PTPRN2: variants seen among roughly 807,000 people sequenced by gnomAD.
The protein encoded by PTPRN2 is receptor-type tyrosine-protein phosphatase N2.
PTPRN2 carries 74 observed loss-of-function variants against 118.8 expected under a neutral mutation model. The ratio of observed to expected loss-of-function variants is 0.62; its 90% CI spans 0.52 to 0.76. The LOEUF (loss-of-function observed/expected upper bound fraction) is 0.76. PTPRN2 is among the 30% of genes least tolerant of loss of function. The pLI is 0.00. For missense variants in PTPRN2, 1,481 were observed against 1,394.4 expected (o/e 1.06, Z -0.99); for synonymous variants, 641 against 608.0 (o/e 1.05, Z -0.80).
chr7:158,571,384 A>G (rs1828020264), intron 1 of PTPRN2, among the ~76,000 whole-genome samples: 1 of 151,890 alleles, frequency 6.6e-6, no homozygotes. Context: ...ACGCTGAGGC[A>G]GGAGAATCAC....
chr7:158,380,867 C>T (rs1234320840), intron 2 of PTPRN2, among the ~76,000 whole-genome samples: 1 of 152,256 alleles, frequency 6.6e-6, no homozygotes, highest in African/African-American at 2.4e-5. Flanking sequence ...CAGTACTTGA[C>T]TTCTGTGCAC....
At chr7:157,687,158 T>A (rs1006211643) in intron 12 of PTPRN2, among the ~76,000 whole-genome samples, 4 of 152,068 alleles carry the variant, frequency 2.6e-5, no homozygotes, top group Admixed American at 6.5e-5. Context: ...TGAGTGGAGG[T>A]GCATGAGGCT....
intron 2 of PTPRN2, among the ~76,000 whole-genome samples, chr7:158,363,219 G>T (rs573600646): frequency 2.0e-5 from 3 of 151,952 alleles, no homozygotes; most frequent in Admixed American, 6.6e-5. Flanking sequence ...GAGAGGCTAC[G>T]GGAGGACGCT....
rs1350765706 is a variant in PTPRN2, at chr7:158,587,797, A to G, written c.-128T>C. On this transcript the variant is annotated 5_prime_UTR_variant, in exon 1 of 23. Coordinates refer to ENST00000389418, the MANE Select transcript of PTPRN2 (RefSeq NM_002847.5). The stretch of plus-strand genomic sequence containing the variant: ...CCGCGCCTCTCGCGCTCTTGCGGCG[A>G]CGCCGGGCCGAGCTTCAGCACCGGA... The G allele has an allele frequency of 4.4e-6, 4 of 916,306 alleles. No individual in the cohort carries two copies. The African/African-American group carries it at 7.4e-5, about 17-fold the overall frequency. 56.8% of individuals were successfully genotyped at this position (916,306 alleles called of 1,614,324 possible).
At position 158,284,217 on chromosome 7, in the gene PTPRN2, C is replaced by G. The variant is rs1799622471; in HGVS notation, c.277+32602G>C. ...CACAAGACTCAGTATTGGCAGCGTC[C>G]TACATTTAGAGAGAATCCAGACAAA... is the stretch of plus-strand genomic sequence containing the variant. On this transcript the variant is annotated intron_variant, in intron 3 of 22. Transcript: ENST00000389418. Among the ~76,000 whole-genome samples, 3 of 152,180 alleles carry G rather than the reference C, an allele frequency of 2.0e-5. No homozygotes were observed. In the South Asian group the frequency reaches 6.2e-4, roughly 31 times the overall value.
chr7:158,275,537 G>A (rs2150982341), intron 3 of PTPRN2, among the ~76,000 whole-genome samples: 3 of 152,230 alleles, frequency 2.0e-5, no homozygotes, highest in Middle Eastern at 3.4e-3. Flanking sequence ...CTCTAAATTA[G>A]GATTTAATTG....
At chr7:158,141,985 G>A (rs560533707) in intron 6 of PTPRN2, among the ~76,000 whole-genome samples, 8 of 152,326 alleles carry the variant, frequency 5.3e-5, no homozygotes, top group East Asian at 3.9e-4. Context: ...CGAGTGCCCC[G>A]CTCTGGCCGA....
chr7:158,085,167 G>C (rs1391194847), intron 10 of PTPRN2, among the ~76,000 whole-genome samples: 1 of 91,070 alleles, frequency 1.1e-5, no homozygotes, highest in Non-Finnish European at 2.1e-5. Context: ...CGCCCATCCA[G>C]ATACCCATCC....
rs576027627 is a variant in PTPRN2, at chr7:158,038,085, C to T, written c.1723+43213G>A. ...GTGACTACACAGCACAGTCAACAGG[C>T]TCTGCACTAAGATGTGCACACTTTG... On this transcript the variant is annotated intron_variant, in intron 11 of 22. Coordinates refer to ENST00000389418, the MANE Select transcript of PTPRN2 (RefSeq NM_002847.5). 2.6e-5 allele frequency among the ~76,000 whole-genome samples: 4 copies of T among 152,312 alleles called. No individual in the cohort carries two copies. The East Asian group carries it at 5.8e-4, about 22-fold the overall frequency.
Position 157,977,870 on chromosome 7 carries a change from G to T in PTPRN2, c.1724-79133C>A, listed in dbSNP as rs965672698. 6.6e-6 allele frequency among the ~76,000 whole-genome samples: 1 copy of T among 151,960 alleles called. No individual in the cohort carries two copies. The highest frequency in any genetic ancestry group is 1.5e-5 in the Non-Finnish European group (1 of 67,890). On this transcript the variant is annotated intron_variant, in intron 11 of 22. Transcript: ENST00000389418. This position sits in a 1 kb window ranked among gnomAD's most constrained non-coding sequence, Gnocchi z 4.6. ...ACAAGACTGGTGGCAGCTGGGACAA[G>T]AGTCGTGGCTGAGGAGGAGGGAAGG...
intron 10 of PTPRN2, among the ~76,000 whole-genome samples, chr7:158,110,229 C>G (rs1189973623): frequency 6.6e-6 from 1 of 152,250 alleles, no homozygotes. Flanking sequence ...TCAGCCATCT[C>G]TGCTCCAAGC....
At chr7:158,045,184 T>G (rs1808751822) in intron 11 of PTPRN2, among the ~76,000 whole-genome samples, 1 of 152,130 alleles carries the variant, frequency 6.6e-6, no homozygotes, top group African/African-American at 2.4e-5. Context: ...TTAAAGAAAG[T>G]TGGTGGCTTT....
In PTPRN2 at chr7:158,044,640, A is replaced by AGGCCACAGGG. The variant is rs759373077; in HGVS notation, c.1723+36648_1723+36657dup. ...TCACCAGCAGAGGACAGGCTGCAGG[A>AGGCCACAGGG]GGCCACAGGGGACAAGGAGAACCCG... On this transcript the variant is annotated intron_variant, in intron 11 of 22. Coordinates refer to ENST00000389418, the MANE Select transcript of PTPRN2 (RefSeq NM_002847.5). Among the ~76,000 whole-genome samples, 292 of 152,240 alleles carry AGGCCACAGGG rather than the reference A, an allele frequency of 1.9e-3. 2 individuals carry two copies. Among genetic ancestry groups the AGGCCACAGGG allele is most frequent in the Non-Finnish European group, 2.5e-3 (170 of 68,008 alleles).
At chr7:158,040,517 C>T (rs1380132863) in intron 11 of PTPRN2, among the ~76,000 whole-genome samples, 1 of 152,164 alleles carries the variant, frequency 6.6e-6, no homozygotes, top group Non-Finnish European at 1.5e-5. Context: ...TTACCTTACC[C>T]ATAGAAAAGC....
In PTPRN2 at chr7:158,363,188, G is replaced by GGAGGACACTAGGGAGGCCAGGA. The variant is rs1317989542; in HGVS notation, c.164-46278_164-46257dup. Reference sequence around the variant, plus strand: ...CTGAGCCTCCACCAGAGAGGCAAGGGGAGGACACTAGGGAGGCCAGGAGAG... The same window carrying GGAGGACACTAGGGAGGCCAGGA: ...CTGAGCCTCCACCAGAGAGGCAAGGGGAGGACACTAGGGAGGCCAGGAGAGGACACTAGGGAGGCCAGGAGAG... On this transcript the variant is annotated intron_variant, in intron 2 of 22. Coordinates refer to ENST00000389418, the MANE Select transcript of PTPRN2 (RefSeq NM_002847.5). 3.9e-5 allele frequency among the ~76,000 whole-genome samples: 6 copies of GGAGGACACTAGGGAGGCCAGGA among 152,252 alleles called. No homozygotes were observed. The East Asian group carries it at 1.2e-3, about 29-fold the overall frequency.
rs1800737178 is a variant in PTPRN2, at chr7:157,587,288, G to A, written c.2496+7950C>T. 6.7e-6 allele frequency among the ~76,000 whole-genome samples: 1 copy of A among 149,328 alleles called. No individual in the cohort carries two copies. Among genetic ancestry groups the A allele is most frequent in the South Asian group, 2.1e-4 (1 of 4,724 alleles). ...CAGACAAACAGGCAGACAGGCAGAC[G>A]AGCCACTGGTGCCGGGTGGTGGGCG... On this transcript the variant is annotated intron_variant, in intron 17 of 22. Coordinates refer to ENST00000389418, the MANE Select transcript of PTPRN2 (RefSeq NM_002847.5). The surrounding 1 kb of genome is among the most constrained non-coding windows in gnomAD (Gnocchi z 5.3).
chr7:157,815,101 A>G (rs925463255), intron 12 of PTPRN2, among the ~76,000 whole-genome samples: 1 of 152,206 alleles, frequency 6.6e-6, no homozygotes, highest in African/African-American at 2.4e-5. Flanking sequence ...GAGACGTGGA[A>G]GCAGGCTCCG....
intron 4 of PTPRN2, among the ~76,000 whole-genome samples, chr7:158,199,016 C>T (rs913462861): frequency 3.3e-5 from 5 of 152,120 alleles, no homozygotes; most frequent in Middle Eastern, 3.4e-3. Flanking sequence ...TAGCCCTTAG[C>T]ATGTTCCCAG....
intron 1 of PTPRN2, among the ~76,000 whole-genome samples, chr7:158,527,108 A>AGAGCATCCCTCCGAG (rs754352501): frequency 6.6e-6 from 1 of 152,144 alleles, no homozygotes; most frequent in African/African-American, 2.4e-5. Context: ...CAGGCCTGGG[A>AGAGCATCCCTCCGAG]GAGCATCCCT....
Sources: allele counts gnomAD v4.1 joint callset (sites outside exome capture counted in the v4.1 genomes callset), GRCh38; gene constraint gnomAD v4.1.1; non-coding constraint Gnocchi (gnomAD v3.1); transcripts MANE v1.5; gene names NCBI Gene and HGNC (gene_info 2026-07-23, HGNC 2026-07-21).